The following SCML2 variants were observed in gnomAD, a reference collection of about 807,000 sequenced individuals.
SCML2 encodes the protein Scm polycomb group protein like 2, also known as sex comb on midleg-like protein 2.
In SCML2, 6 loss-of-function variants were observed where a neutral mutation model predicts 48.4. That is an observed-to-expected ratio of 0.12 (90% confidence interval 0.07 to 0.24). SCML2 has a LOEUF of 0.24. Ranked by LOEUF, SCML2 falls within the 10% of genes least tolerant of loss-of-function variation. The pLI is 1.00. For synonymous variants in SCML2, 181 were observed against 189.5 expected, an observed-to-expected ratio of 0.95 and a Z score of 0.37; for missense variants, 377 against 528.2, an observed-to-expected ratio of 0.71 and a Z score of 2.81.
At chrX:18,345,387 G>T (rs1930165047) in intron 1 of SCML2, among the ~76,000 whole-genome samples, 1 of 111,098 alleles carries the variant, frequency 9.0e-6, no homozygotes, top group South Asian at 3.8e-4. Context: ...GAATACTGTG[G>T]TTTTTAAAAA....
chrX:18,250,768 T>G (rs1310576073), intron 11 of SCML2, among the ~76,000 whole-genome samples: 1 of 110,912 alleles, frequency 9.0e-6, no homozygotes, highest in African/African-American at 3.3e-5. Context: ...AAAAAAAGGC[T>G]GGTGTATTAG....
rs761178992 is a variant in SCML2 at position 18,330,598 on chromosome X, G to T, written c.80C>A (p.Ser27Tyr). 5 of 1,162,173 alleles carry T rather than the reference G, an allele frequency of 4.3e-6. No individual in the cohort carries two copies. The highest frequency in any genetic ancestry group is 3.6e-5 in the African/African-American group (2 of 55,738). ...QEKTPQSSTS[S>Y]VQRDDFHWEE... ...ACTTTAAAACCTACCCCTTTGTACAGAAGATGTACTTGACTGAGGAGTTTT... is the reference window on the plus strand; with the variant it reads ...ACTTTAAAACCTACCCCTTTGTACATAAGATGTACTTGACTGAGGAGTTTT... Residue 27 changes from serine to tyrosine, a missense_variant, in exon 3 of 15, where the codon TCT becomes TAT. Ser to Tyr is a moderately radical substitution (Grantham distance 144). Around this residue, in one of 3 missense-constraint regions of SCML2, gnomAD observed 61 missense variants for 59.9 expected, o/e 1.02. Coordinates refer to ENST00000251900, the MANE Select transcript of SCML2 (RefSeq NM_006089.3).
At chrX:18,319,595 C>CAA (rs1354418550) in intron 6 of SCML2, among the ~76,000 whole-genome samples, 1,472 of 33,668 alleles carry the variant, frequency 0.044, 122 homozygotes, top group African/African-American at 0.14. Context: ...GACTCTGTCT[C>CAA]AAAAAAAAAA....
At chrX:18,348,272 G>T (rs1214812797) in intron 1 of SCML2, among the ~76,000 whole-genome samples, 1 of 111,743 alleles carries the variant, frequency 8.9e-6, no homozygotes, top group Non-Finnish European at 1.9e-5. Context: ...TTTGACAAAA[G>T]AACTGGATCT....
chrX:18,330,268 G>A (rs990249275), intron 3 of SCML2, among the ~76,000 whole-genome samples: 1 of 111,306 alleles, frequency 9.0e-6, no homozygotes, highest in African/African-American at 3.3e-5. Flanking sequence ...AACGTTAGAA[G>A]GGTTTTTGCT....
chrX:18,342,338 G>T (rs778674827), intron 1 of SCML2, among the ~76,000 whole-genome samples: 1 of 108,544 alleles, frequency 9.2e-6, no homozygotes, highest in African/African-American at 3.3e-5. Context: ...ACATTCAAAT[G>T]TAAGTAAGCC....
At chrX:18,352,320 C>T (rs1930402357) in intron 1 of SCML2, among the ~76,000 whole-genome samples, 1 of 112,052 alleles carries the variant, frequency 8.9e-6, no homozygotes, top group African/African-American at 3.2e-5. Flanking sequence ...ATACCAGCAA[C>T]TCATTTTTCC....
Position 18,256,903 on chromosome X carries a change from A to G in SCML2, c.1401T>C (p.Phe467=). 1 of 1,207,396 alleles carries G rather than the reference A, an allele frequency of 8.3e-7. No homozygotes were observed. Among genetic ancestry groups the G allele is most frequent in the Non-Finnish European group, 1.1e-6 (1 of 893,701 alleles). ...TGTGAGTATGACCCCTGGAAGAACTAAAAGGCTGGCTACTCAAAAGGTTAT... is the reference window on the plus strand; with the variant it reads ...TGTGAGTATGACCCCTGGAAGAACTGAAAGGCTGGCTACTCAAAAGGTTAT... ...QCDNLLSSQP[F]SSSRGHTHSS... Residue 467 remains phenylalanine (F), a synonymous_variant, in exon 11 of 15, where the codon TTT becomes TTC. Coordinates refer to ENST00000251900, the MANE Select transcript of SCML2 (RefSeq NM_006089.3).
intron 7 of SCML2, among the ~76,000 whole-genome samples, chrX:18,300,804 GA>G (rs939748308): frequency 3.1e-4 from 31 of 100,213 alleles, no homozygotes; most frequent in Middle Eastern, 5.1e-3. Flanking sequence ...AAAAAAAAAA[GA>G]AAAAAAAAAT....
chrX:18,268,167 A>C (rs1602091408), intron 7 of SCML2, among the ~76,000 whole-genome samples: 2 of 112,384 alleles, frequency 1.8e-5, no homozygotes, highest in East Asian at 5.7e-4. Context: ...TCTTCCATTC[A>C]GGGAATGACC....
intron 1 of SCML2, among the ~76,000 whole-genome samples, chrX:18,345,681 C>T (rs1346969735): frequency 9.1e-6 from 1 of 110,124 alleles, no homozygotes. Context: ...TGTAAGCCAC[C>T]ACACATGGAC....
chrX:18,333,570 G>C (rs1929719298), intron 2 of SCML2, among the ~76,000 whole-genome samples: 1 of 112,118 alleles, frequency 8.9e-6, no homozygotes, highest in African/African-American at 3.2e-5. Flanking sequence ...CTTAAAATTA[G>C]AGAACAGCAT....
At chrX:18,276,900 T>C (rs1277267465) in intron 7 of SCML2, among the ~76,000 whole-genome samples, 1 of 110,597 alleles carries the variant, frequency 9.0e-6, no homozygotes, top group Non-Finnish European at 1.9e-5. Flanking sequence ...TGTTTCAGAA[T>C]AAAATGGAGG....
At chrX:18,296,017 C>T (rs759560090) in intron 7 of SCML2, among the ~76,000 whole-genome samples, 2 of 111,634 alleles carry the variant, frequency 1.8e-5, no homozygotes, top group Non-Finnish European at 3.8e-5. Flanking sequence ...AACTATTATG[C>T]TAGATGTGCA....
intron 1 of SCML2, among the ~76,000 whole-genome samples, chrX:18,343,923 T>TAAAAAAAAAAAAA (rs1203495780): frequency 7.5e-5 from 4 of 53,315 alleles, no homozygotes; most frequent in African/African-American, 1.5e-4. Flanking sequence ...TGCCTCTATT[T>TAAAAAAAAAAAAA]AAAAAAAAAA....
chrX:18,354,138 C>G lies in SCML2; in HGVS notation c.-25+454G>C, dbSNP rs754519559. Among the ~76,000 whole-genome samples, 5 of 112,751 alleles carry G rather than the reference C, an allele frequency of 4.4e-5. No homozygotes were observed. The East Asian group carries it at 1.4e-3, about 32-fold the overall frequency. ...CCACAGGCGCATCCTTCCGGGCCGA[C>G]GTTTCCCTCCCAAACTCCAAAAGTT... is the stretch of plus-strand genomic sequence containing the variant. On this transcript the variant is annotated intron_variant, in intron 1 of 14. Transcript: ENST00000251900.
intron 7 of SCML2, among the ~76,000 whole-genome samples, chrX:18,275,136 T>C (rs1927586617): frequency 8.9e-6 from 1 of 112,444 alleles, no homozygotes; most frequent in South Asian, 3.7e-4. Flanking sequence ...CTCCCTAAAA[T>C]GTATAAAACC....
intron 6 of SCML2, among the ~76,000 whole-genome samples, chrX:18,307,914 T>C (rs1448098908): frequency 9.1e-6 from 1 of 110,224 alleles, no homozygotes; most frequent in African/African-American, 3.3e-5. Context: ...ACCAACATGG[T>C]GGAACCCCGT....
chrX:18,282,790 G>C (rs913779433), intron 7 of SCML2, among the ~76,000 whole-genome samples: 10 of 111,554 alleles, frequency 9.0e-5, no homozygotes, highest in African/African-American at 3.3e-4. Flanking sequence ...CTCTGAAATT[G>C]AATCAGTAAT....
Sources: allele counts gnomAD v4.1 joint callset (sites outside exome capture counted in the v4.1 genomes callset), GRCh38; gene constraint gnomAD v4.1.1; regional missense constraint gnomAD v4.1.1; transcripts MANE v1.5; gene names NCBI Gene and HGNC (gene_info 2026-07-23, HGNC 2026-07-21).